The following NEGR1 variants were observed in gnomAD, a reference collection of about 807,000 sequenced individuals.
NEGR1 encodes the protein IgLON family member 4.
Under a neutral mutation model 40.9 loss-of-function variants are expected in NEGR1, and 10 were observed. The ratio of observed to expected loss-of-function variants is 0.24; its 90% confidence interval spans 0.15 to 0.42. The LOEUF is 0.42. NEGR1 is among the 10% of genes least tolerant of loss of function. The pLI, the probability that NEGR1 is intolerant of heterozygous loss-of-function variation, is 1.00. For synonymous variants in NEGR1, 185 were observed against 166.8 expected (o/e 1.11, Z -0.84); for missense variants, 352 against 438.9 (o/e 0.80, Z 1.77).
intron 6 of NEGR1, among the ~76,000 whole-genome samples, chr1:71,479,124 C>T (rs1366370961): frequency 4.6e-5 from 7 of 151,972 alleles, no homozygotes; most frequent in African/African-American, 4.8e-5. Context: ...CAGAAATGAA[C>T]ATTTCACTTT....
chr1:71,553,137 TAA>T (rs1282172839), intron 6 of NEGR1, among the ~76,000 whole-genome samples: 2 of 151,528 alleles, frequency 1.3e-5, no homozygotes, highest in East Asian at 2.0e-4. Context: ...TTTCTAGAAA[TAA>T]GAGTATATTT....
At position 71,941,950 on chromosome 1, in the gene NEGR1, GA is replaced by G. The variant is rs558897417; in HGVS notation, c.177-6640del. On this transcript the variant is annotated intron_variant, in intron 1 of 6. Transcript: ENST00000357731. ...GCTTATTAACATTTGTATTATATGA[GA>G]AAAACTTTATTATGAAATAATTACA... 9.4e-4 allele frequency among the ~76,000 whole-genome samples: 142 copies of G among 151,858 alleles called. 1 individual carries two copies. The highest frequency in any genetic ancestry group is 3.2e-3 in the African/African-American group (134 of 41,452).
intron 6 of NEGR1, among the ~76,000 whole-genome samples, chr1:71,590,701 AG>A (rs1649468854): frequency 6.6e-6 from 1 of 152,144 alleles, no homozygotes; most frequent in African/African-American, 2.4e-5. Context: ...TAAATGAACA[AG>A]TTTATATAAA....
At chr1:71,423,871 A>G (rs1322518576) in intron 6 of NEGR1, among the ~76,000 whole-genome samples, 1 of 140,314 alleles carries the variant, frequency 7.1e-6, no homozygotes, top group Non-Finnish European at 1.5e-5. Context: ...GAACATTTTG[A>G]GTATAAAGAA....
intron 2 of NEGR1, among the ~76,000 whole-genome samples, chr1:71,865,628 C>A (rs150241859): frequency 0.013 from 2,004 of 152,132 alleles, 27 homozygotes; most frequent in Middle Eastern, 0.02. Context: ...GGAGGGATAG[C>A]ATTAGGAGAA....
At chr1:71,666,226 A>G (rs372776023) in intron 4 of NEGR1, among the ~76,000 whole-genome samples, 5 of 152,250 alleles carry the variant, frequency 3.3e-5, no homozygotes, top group Admixed American at 2.6e-4. Context: ...TTTTTTTACA[A>G]TTTTTCTATT....
chr1:71,944,090 T>A (rs1250816774), intron 1 of NEGR1, among the ~76,000 whole-genome samples: 1 of 152,202 alleles, frequency 6.6e-6, no homozygotes, highest in East Asian at 1.9e-4. Flanking sequence ...TTCTCCCACA[T>A]GGACTTGATT....
chr1:71,505,375 G>A (rs1466007490), intron 6 of NEGR1, among the ~76,000 whole-genome samples: 3 of 151,836 alleles, frequency 2.0e-5, no homozygotes, highest in Non-Finnish European at 2.9e-5. Flanking sequence ...TCCACCTGCC[G>A]GGTTCACGCC....
intron 2 of NEGR1, among the ~76,000 whole-genome samples, chr1:71,926,601 AAG>A (rs938543006): frequency 2.0e-5 from 3 of 151,916 alleles, no homozygotes; most frequent in Non-Finnish European, 4.4e-5. Flanking sequence ...GAAAAAAAAA[AAG>A]AGATGACTCA....
intron 6 of NEGR1, among the ~76,000 whole-genome samples, chr1:71,504,463 CTA>C (rs1647019618): frequency 6.6e-6 from 1 of 151,974 alleles, no homozygotes; most frequent in Non-Finnish European, 1.5e-5. Context: ...ACTCCTAAGA[CTA>C]TGAGTAAATG....
chr1:72,084,216 G>T (rs1031542638), intron 1 of NEGR1, among the ~76,000 whole-genome samples: 2 of 152,090 alleles, frequency 1.3e-5, no homozygotes, highest in African/African-American at 2.4e-5. Context: ...CAGCTATGGG[G>T]TGTGGAAGGA....
intron 4 of NEGR1, among the ~76,000 whole-genome samples, chr1:71,652,704 A>G (rs1411501494): frequency 6.6e-6 from 1 of 152,122 alleles, no homozygotes; most frequent in Non-Finnish European, 1.5e-5. Flanking sequence ...AGCCTCTACC[A>G]AAATTCTAAA....
intron 2 of NEGR1, among the ~76,000 whole-genome samples, chr1:71,781,851 A>C (rs1480001027): frequency 6.6e-6 from 1 of 152,198 alleles, no homozygotes; most frequent in East Asian, 1.9e-4. Context: ...CACTAGGACA[A>C]ATAAGAAGTA....
chr1:71,559,027 A>ATG (rs1648353008), intron 6 of NEGR1, among the ~76,000 whole-genome samples: 1 of 112,472 alleles, frequency 8.9e-6, no homozygotes, highest in Admixed American at 1.0e-4. Flanking sequence ...GTGTATATAT[A>ATG]TATATATATA....
intron 1 of NEGR1, among the ~76,000 whole-genome samples, chr1:72,035,112 A>T (rs529340510): frequency 7.9e-5 from 12 of 152,260 alleles, no homozygotes; most frequent in Admixed American, 3.9e-4. Context: ...TATAAATGGC[A>T]TACCTGGTCA....
chr1:72,008,998 C>CA (rs75786445), intron 1 of NEGR1, among the ~76,000 whole-genome samples: 218 of 126,092 alleles, frequency 1.7e-3, no homozygotes, highest in Middle Eastern at 4.1e-3. Flanking sequence ...TCTCATCAGT[C>CA]AAAAAAAAAA....
chr1:71,598,828 A>G (rs1649824028), intron 5 of NEGR1, among the ~76,000 whole-genome samples: 2 of 152,326 alleles, frequency 1.3e-5, no homozygotes, highest in African/African-American at 2.4e-5. Flanking sequence ...GCTTGGCCAA[A>G]TTATCATCAT....
At chr1:71,853,511 G>A (rs759413899) in intron 2 of NEGR1, among the ~76,000 whole-genome samples, 8 of 151,876 alleles carry the variant, frequency 5.3e-5, no homozygotes, top group Non-Finnish European at 8.8e-5. Flanking sequence ...CTTCCAAACC[G>A]TGCCTTTGTC....
intron 5 of NEGR1, 126 bp downstream of exon 5, chr1:71,610,900 T>A: frequency 1.1e-6 from 1 of 923,370 alleles, no homozygotes; most frequent in Admixed American, 2.2e-5. Flanking sequence ...TTCAGTTTGC[T>A]TGCTGGAGAG....
Sources: gnomAD v4.1 joint callset for allele counts (sites outside exome capture counted in the v4.1 genomes callset) on GRCh38, gnomAD v4.1.1 for gene constraint, MANE v1.5 for transcripts, NCBI Gene and HGNC (gene_info 2026-07-23, HGNC 2026-07-21) for gene names.